The following CHMP4B variants were observed in gnomAD, a reference collection of about 807,000 sequenced individuals.
The protein encoded by CHMP4B is SNF7 homolog associated with Alix 1.
CHMP4B carries 1 observed loss-of-function variant against 25.1 expected under a neutral mutation model. The observed-to-expected ratio is 0.04, with a 90% CI of 0.01 to 0.19. CHMP4B has a LOEUF of 0.19. Ranked by LOEUF, CHMP4B falls within the 10% of genes least tolerant of loss-of-function variation. The pLI is 1.00. For missense variants in CHMP4B, 151 were observed against 289.7 expected (o/e 0.52, Z 3.48); for synonymous variants, 101 against 115.6 (o/e 0.87, Z 0.81).
rs1467626440 is a variant in CHMP4B at position 33,828,519 on chromosome 20, C to T, written c.190+16861C>T. 3.3e-5 allele frequency among the ~76,000 whole-genome samples: 5 copies of T among 152,286 alleles called. No individual in the cohort carries two copies. The East Asian group carries it at 7.7e-4, about 23-fold the overall frequency. ...AACTGGCAGTCAGTGGTGAGGCGGG[C>T]GGGCACAGCCGTGGTGGAGGATCAC... On this transcript the variant is annotated intron_variant, in intron 1 of 4. Transcript: ENST00000217402.
intron 1 of CHMP4B, among the ~76,000 whole-genome samples, chr20:33,833,918 G>A (rs1373324625): frequency 6.6e-6 from 1 of 152,182 alleles, no homozygotes; most frequent in Admixed American, 6.5e-5. Context: ...TTCCCTAGCA[G>A]GGTATCATGA....
chr20:33,853,916 T>C lies in CHMP4B; in HGVS notation c.*356T>C, dbSNP rs758583001. 11 of 375,930 alleles carry C rather than the reference T, an allele frequency of 2.9e-5. No individual in the cohort carries two copies. The highest frequency in any genetic ancestry group is 4.0e-5 in the Non-Finnish European group (8 of 197,982). 23.3% of individuals were successfully genotyped at this position (375,930 alleles called of 1,614,324 possible). On this transcript the variant is annotated 3_prime_UTR_variant, in exon 5 of 5. Transcript: ENST00000217402. ...TGGTTGCAGTTGAAATGACCTGAAA[T>C]GTAGCCTCTGTCCTTGTAAGTCAGT... is the stretch of plus-strand genomic sequence containing the variant.
chr20:33,815,232 C>T (rs1392911037), intron 1 of CHMP4B, among the ~76,000 whole-genome samples: 1 of 152,136 alleles, frequency 6.6e-6, no homozygotes, highest in Non-Finnish European at 1.5e-5. Context: ...TGCCAAGCTC[C>T]TAGGACAATG....
Position 33,811,400 on chromosome 20 carries a change from C to T in CHMP4B, c.-69C>T, listed in dbSNP as rs1352686105. The T allele has an allele frequency of 7.0e-6, 9 of 1,281,048 alleles. No homozygotes were observed. In the East Asian group the frequency reaches 1.6e-4, roughly 23 times the overall value. 79.4% of individuals were successfully genotyped at this position (1,281,048 alleles called of 1,614,324 possible). On this transcript the variant is annotated 5_prime_UTR_variant, in exon 1 of 5. Transcript: ENST00000217402. ...CGGGACTGGGAGCGGGCGCCGGAGCCGACCCGAGCCGAGCCGAGCCGAGCC... is the reference window on the plus strand; with the variant it reads ...CGGGACTGGGAGCGGGCGCCGGAGCTGACCCGAGCCGAGCCGAGCCGAGCC...
At chr20:33,851,129 G>A in intron 3 of CHMP4B, 63 bp downstream of exon 3, 1 of 1,069,224 alleles carries the variant, frequency 9.4e-7, no homozygotes, top group Non-Finnish European at 1.5e-6. Context: ...GTCCCTTGAT[G>A]TGCTCTTGAA....
At chr20:33,814,781 A>G (rs1213665137) in intron 1 of CHMP4B, among the ~76,000 whole-genome samples, 3 of 152,208 alleles carry the variant, frequency 2.0e-5, no homozygotes, top group Non-Finnish European at 2.9e-5. Context: ...CAGCCTCCTG[A>G]GTAGCTAGGA....
At chr20:33,815,440 C>T (rs574771327) in intron 1 of CHMP4B, among the ~76,000 whole-genome samples, 2 of 152,014 alleles carry the variant, frequency 1.3e-5, no homozygotes, top group Non-Finnish European at 2.9e-5. Flanking sequence ...GTGGGCAGGA[C>T]GAAGGAGAGA....
At chr20:33,814,133 A>C (rs920999664) in intron 1 of CHMP4B, among the ~76,000 whole-genome samples, 1 of 152,238 alleles carries the variant, frequency 6.6e-6, no homozygotes, top group Non-Finnish European at 1.5e-5. Flanking sequence ...TGCTGAAGGC[A>C]GGCTGTCTCC....
At chr20:33,820,235 C>T (rs1211035834) in intron 1 of CHMP4B, among the ~76,000 whole-genome samples, 2 of 152,022 alleles carry the variant, frequency 1.3e-5, no homozygotes, top group Non-Finnish European at 2.9e-5. Context: ...TCCTGACCTA[C>T]TGAAGCAGAA....
intron 1 of CHMP4B, among the ~76,000 whole-genome samples, chr20:33,815,708 A>T (rs1186263891): frequency 6.6e-6 from 1 of 152,228 alleles, no homozygotes; most frequent in Non-Finnish European, 1.5e-5. Flanking sequence ...TTAAATGAAA[A>T]AAACAATCTT....
chr20:33,829,979 A>G (rs1268723506), intron 1 of CHMP4B, among the ~76,000 whole-genome samples: 3 of 152,208 alleles, frequency 2.0e-5, no homozygotes, highest in Admixed American at 2.0e-4. Context: ...GACTTGAGAG[A>G]TCATCTGGGC....
In CHMP4B at chr20:33,846,272, C is replaced by G. The variant is rs1276480359; in HGVS notation, c.191-2195C>G. On this transcript the variant is annotated intron_variant, in intron 1 of 4. Transcript: ENST00000217402. The stretch of plus-strand genomic sequence containing the variant: ...CAGTTTCCTCATCAACTAACCTTAT[C>G]ATCTAACCTTAAAGGGTTGCTATTT... Among the ~76,000 whole-genome samples the G allele has an allele frequency of 1.3e-5, 2 of 152,150 alleles. 1 individual carries two copies. The highest frequency in any genetic ancestry group is 3.8e-4 in the East Asian group (2 of 5,198).
chr20:33,832,686 T>C (rs1332173366), intron 1 of CHMP4B, among the ~76,000 whole-genome samples: 1 of 152,150 alleles, frequency 6.6e-6, no homozygotes, highest in African/African-American at 2.4e-5. Flanking sequence ...GTACCATACC[T>C]ATGTATTCTC....
intron 1 of CHMP4B, among the ~76,000 whole-genome samples, chr20:33,840,302 G>A (rs1194970243): frequency 6.6e-6 from 1 of 151,778 alleles, no homozygotes; most frequent in South Asian, 2.1e-4. Flanking sequence ...GATCCCCAGA[G>A]ACAATGTTGG....
At chr20:33,825,115 C>G (rs1256624711) in intron 1 of CHMP4B, among the ~76,000 whole-genome samples, 1 of 152,210 alleles carries the variant, frequency 6.6e-6, no homozygotes, top group African/African-American at 2.4e-5. Flanking sequence ...CCCTCCCACT[C>G]AGGACTCTGA....
chr20:33,814,702 C>T (rs1031605796), intron 1 of CHMP4B, among the ~76,000 whole-genome samples: 2 of 152,102 alleles, frequency 1.3e-5, no homozygotes, highest in Non-Finnish European at 2.9e-5. Flanking sequence ...ACATCCAGGC[C>T]GAAGTGCAGT....
intron 1 of CHMP4B, among the ~76,000 whole-genome samples, chr20:33,841,325 G>A (rs1333451380): frequency 2.0e-5 from 3 of 152,172 alleles, no homozygotes; most frequent in Non-Finnish European, 2.9e-5. Flanking sequence ...GCAAATTAGA[G>A]GAACAGGGAG....
Position 33,853,658 on chromosome 20 carries a change from G to C in CHMP4B, c.*98G>C, listed in dbSNP as rs939085710. ...GGCAGGCAGGATGTGGTGCAGGCAGGTTCCATCGCTTTCGACTCTCACTCC... is the reference window on the plus strand; with the variant it reads ...GGCAGGCAGGATGTGGTGCAGGCAGCTTCCATCGCTTTCGACTCTCACTCC... On this transcript the variant is annotated 3_prime_UTR_variant, in exon 5 of 5. Coordinates refer to ENST00000217402, the MANE Select transcript of CHMP4B (RefSeq NM_176812.5). 4.7e-6 allele frequency: 5 copies of C among 1,062,394 alleles called. No individual in the cohort carries two copies. In the African/African-American group the frequency reaches 7.9e-5, roughly 17 times the overall value. 65.8% of individuals were successfully genotyped at this position (1,062,394 alleles called of 1,614,324 possible). A position where few individuals can be genotyped will look rare whatever the true frequency, so the allele number is the denominator to read the frequency against.
chr20:33,824,951 G>A (rs1210929157), intron 1 of CHMP4B, among the ~76,000 whole-genome samples: 1 of 152,190 alleles, frequency 6.6e-6, no homozygotes, highest in Admixed American at 6.5e-5. Flanking sequence ...GGATAAGGGG[G>A]TCATAAAGAG....
Sources: gnomAD v4.1 joint callset for allele counts (sites outside exome capture counted in the v4.1 genomes callset) on GRCh38, gnomAD v4.1.1 for gene constraint, MANE v1.5 for transcripts, NCBI Gene and HGNC (gene_info 2026-07-23, HGNC 2026-07-21) for gene names.